Variants in TCF4 observed in about 807,000 individuals in gnomAD.
TCF4 encodes the protein transcription factor 4, also known as SL3-3 enhancer factor 2.
Under a neutral mutation model 82.1 loss-of-function variants are expected in TCF4, and 3 were observed. That is an observed-to-expected ratio of 0.04 (90% CI 0.02 to 0.09). The LOEUF (loss-of-function observed/expected upper bound fraction) is 0.09. TCF4 is among the 10% of genes least tolerant of loss of function. The pLI, the probability that TCF4 is intolerant of heterozygous loss-of-function variation, is 1.00. For synonymous variants in TCF4, 276 were observed against 309.6 expected (o/e 0.89, Z 1.14); for missense variants, 518 against 852.7 (o/e 0.61, Z 4.89).
At chr18:55,230,148 C>CAAAAA (rs398041379) in intron 17 of TCF4, 4 of 103,266 alleles carry the variant, frequency 3.9e-5, no homozygotes, top group East Asian at 3.2e-4. Context: ...CTGTCTCTTA[C>CAAAAA]AAAAAAAAAA....
chr18:55,438,266 G>C (rs1048671652), intron 5 of TCF4, among the ~76,000 whole-genome samples: 1 of 151,052 alleles, frequency 6.6e-6, no homozygotes, highest in Non-Finnish European at 1.5e-5. Flanking sequence ...AGAGGCCTCT[G>C]CTCAGCCCCT....
chr18:55,553,437 G>A (rs2097277059), intron 3 of TCF4: 1 of 152,146 alleles, frequency 6.6e-6, no homozygotes, highest in Non-Finnish European at 1.5e-5. Flanking sequence ...TACAGAAGTG[G>A]TGCCCTAGAA....
At chr18:55,363,139 A>T (rs2085914775) in intron 6 of TCF4, among the ~76,000 whole-genome samples, 1 of 152,198 alleles carries the variant, frequency 6.6e-6, no homozygotes, top group Non-Finnish European at 1.5e-5. Flanking sequence ...AATAGTTAAG[A>T]AAATTTTTAC....
chr18:55,350,492 A>G, intron 7 of TCF4, 84 bp from the exon 8 acceptor site: 1 of 1,377,370 alleles, frequency 7.3e-7, no homozygotes, highest in Non-Finnish European at 1.0e-6. Context: ...CTTCTAGATG[A>G]TACCACATTT....
intron 15 of TCF4, among the ~76,000 whole-genome samples, chr18:55,251,822 C>T (rs926823449): frequency 1.3e-5 from 2 of 152,108 alleles, no homozygotes; most frequent in Non-Finnish European, 2.9e-5. Context: ...TTATTTACTG[C>T]AGCTGGCCAA....
At chr18:55,477,672 T>G (rs1047046988) in intron 3 of TCF4, among the ~76,000 whole-genome samples, 1 of 152,158 alleles carries the variant, frequency 6.6e-6, no homozygotes, top group African/African-American at 2.4e-5. Context: ...GACGGAAAAA[T>G]GGACCAAGGT....
At chr18:55,269,344 C>A in intron 11 of TCF4, 1 of 190,490 alleles carries the variant, frequency 5.2e-6, no homozygotes. Flanking sequence ...TCACATTCTC[C>A]AGGAGATTAA....
chr18:55,369,207 A>G (rs564251445), intron 6 of TCF4, among the ~76,000 whole-genome samples: 1 of 152,212 alleles, frequency 6.6e-6, no homozygotes, highest in Non-Finnish European at 1.5e-5. Flanking sequence ...TGTCAATAAC[A>G]TAAATCCTAC....
At chr18:55,540,125 G>C (rs1234500839) in intron 3 of TCF4, among the ~76,000 whole-genome samples, 2 of 151,644 alleles carry the variant, frequency 1.3e-5, no homozygotes, top group East Asian at 3.9e-4. Flanking sequence ...CTTCTTAGAG[G>C]AGTTTCATTA....
chr18:55,332,626 C>T (rs932001024), intron 8 of TCF4, among the ~76,000 whole-genome samples: 25 of 152,342 alleles, frequency 1.6e-4, no homozygotes, highest in African/African-American at 5.1e-4. Flanking sequence ...ATACACACTT[C>T]GGTGCAAATC....
chr18:55,340,860 T>C (rs2079788167), intron 8 of TCF4, among the ~76,000 whole-genome samples: 1 of 152,166 alleles, frequency 6.6e-6, no homozygotes, highest in Non-Finnish European at 1.5e-5. Context: ...CAAACCCCAA[T>C]GAGTACTTAT....
chr18:55,605,520 T>C (rs2097701442), intron 2 of TCF4, among the ~76,000 whole-genome samples: 1 of 152,192 alleles, frequency 6.6e-6, no homozygotes, highest in African/African-American at 2.4e-5. Context: ...ACTCCTGAGA[T>C]ATATGTTTTG....
intron 1 of TCF4, 108 bp downstream of exon 1, chr18:55,587,930 G>C: frequency 1.3e-6 from 1 of 793,730 alleles, no homozygotes; most frequent in Non-Finnish European, 1.5e-6. Context: ...CCGGGCGCCG[G>C]GAGCCCGCGG....
At chr18:55,509,549 A>G (rs1176349479) in intron 3 of TCF4, among the ~76,000 whole-genome samples, 1 of 152,236 alleles carries the variant, frequency 6.6e-6, no homozygotes, top group East Asian at 1.9e-4. Flanking sequence ...TGTTGAAAGA[A>G]TGATCCCCAC....
intron 3 of TCF4, among the ~76,000 whole-genome samples, chr18:55,581,617 A>G (rs1204454470): frequency 1.3e-5 from 2 of 152,056 alleles, no homozygotes; most frequent in East Asian, 1.9e-4. Flanking sequence ...TGCCATCACT[A>G]TGAACTCAAA....
At chr18:55,394,412 T>C (rs1293410406) in intron 6 of TCF4, among the ~76,000 whole-genome samples, 2 of 152,134 alleles carry the variant, frequency 1.3e-5, no homozygotes, top group African/African-American at 2.4e-5. Context: ...AAATAACATA[T>C]ATCTGGTATT....
chr18:55,232,043 C>G (rs2048063947), intron 17 of TCF4: 1 of 153,650 alleles, frequency 6.5e-6, no homozygotes, highest in Non-Finnish European at 1.4e-5. Context: ...AAACCATAAA[C>G]AATTAAGGTA....
At chr18:55,320,761 T>C (rs2075289962) in intron 8 of TCF4, 1 of 152,324 alleles carries the variant, frequency 6.6e-6, no homozygotes, top group African/African-American at 2.4e-5. Context: ...CTCATTCTTC[T>C]TTTCTATTTT....
At chr18:55,489,015 C>T (rs537434017) in intron 3 of TCF4, among the ~76,000 whole-genome samples, 4 of 152,260 alleles carry the variant, frequency 2.6e-5, no homozygotes, top group East Asian at 1.9e-4. Flanking sequence ...CATACAAATA[C>T]GAATCCCAAG....
Sources: gnomAD v4.1 joint callset for allele counts (sites outside exome capture counted in the v4.1 genomes callset) on GRCh38, gnomAD v4.1.1 for gene constraint, MANE v1.5 for transcripts, NCBI Gene and HGNC (gene_info 2026-07-23, HGNC 2026-07-21) for gene names.